The following CHRNB4 variants were observed in gnomAD, a reference collection of about 807,000 sequenced individuals.
The protein encoded by CHRNB4 is cholinergic receptor nicotinic beta 4 subunit.
In CHRNB4, 23 loss-of-function variants were observed where a neutral mutation model predicts 40.4. That is an observed-to-expected ratio of 0.57 (90% CI 0.41 to 0.81). The LOEUF (loss-of-function observed/expected upper bound fraction) is 0.81. CHRNB4 is among the 30% of genes least tolerant of loss of function. The probability of loss-of-function intolerance (pLI) is 0.00; values close to 1 mark genes in which losing one functional copy is unlikely to be tolerated. For missense variants in CHRNB4, 568 were observed against 670.6 expected (o/e 0.85, Z 1.69); for synonymous variants, 285 against 274.4 (o/e 1.04, Z -0.38).
chr15:78,650,206 C>G (rs144170453), intron 6 of CHRNB4, among the ~76,000 whole-genome samples: 1 of 152,338 alleles, frequency 6.6e-6, no homozygotes, highest in Non-Finnish European at 1.5e-5. Context: ...GTGTGCCCTT[C>G]TTACAGTTGC....
intron 1 of CHRNB4, among the ~76,000 whole-genome samples, chr15:78,637,197 A>ATCTGCCCC (rs936570041): frequency 2.0e-5 from 3 of 152,120 alleles, no homozygotes; most frequent in African/African-American, 7.2e-5. Context: ...ATAGCCTCAA[A>ATCTGCCCC]TCTGCCCCTC....
In CHRNB4 at chr15:78,625,305, G is replaced by T. The variant is rs769472982; in HGVS notation, c.1339-14C>A. On this transcript the variant is annotated splice_polypyrimidine_tract_variant and intron_variant, in intron 5 of 5. Transcript: ENST00000261751. ...GTCCTCAACGACCTGCAGGCAGACA[G>T]AGGAGTTGGTCACAGGTGCCAAGTA... is the stretch of plus-strand genomic sequence containing the variant. 5.2e-6 allele frequency: 8 copies of T among 1,527,346 alleles called. No individual in the cohort carries two copies. Among genetic ancestry groups the T allele is most frequent in the Non-Finnish European group, 7.0e-6 (8 of 1,139,530 alleles). The allele number at this position is 1,527,346 out of a possible 1,614,324, so 94.6% of individuals were successfully genotyped here.
intron 6 of CHRNB4, among the ~76,000 whole-genome samples, chr15:78,651,786 C>T (rs1200951295): frequency 6.6e-6 from 1 of 152,184 alleles, no homozygotes; most frequent in Non-Finnish European, 1.5e-5. Flanking sequence ...CCAGGATGCC[C>T]CCACCCTGGG....
intron 1 of CHRNB4, among the ~76,000 whole-genome samples, chr15:78,637,035 A>C (rs997363190): frequency 6.6e-6 from 1 of 152,180 alleles, no homozygotes; most frequent in African/African-American, 2.4e-5. Context: ...ACTTAGACCT[A>C]CAGAGTGTAA....
chr15:78,649,254 G>T, intron 7 of CHRNB4: 1 of 257,392 alleles, frequency 3.9e-6, no homozygotes, highest in Non-Finnish European at 7.8e-6. Flanking sequence ...TCCATTTCTC[G>T]GTGTGTACCC....
intron 6 of CHRNB4, among the ~76,000 whole-genome samples, chr15:78,649,768 ACT>A (rs1444740673): frequency 6.6e-6 from 1 of 152,012 alleles, no homozygotes; most frequent in Non-Finnish European, 1.5e-5. Context: ...CGAGTGATAA[ACT>A]CTAAATTCAG....
intron 5 of CHRNB4, chr15:78,626,159 GT>G (rs2053647341): frequency 6.6e-6 from 1 of 152,220 alleles, no homozygotes; most frequent in Non-Finnish European, 1.5e-5. Flanking sequence ...GACCCAGTTT[GT>G]CAAGGCCCTG....
chr15:78,643,062 A>G (rs2054094733), upstream of CHRNB4, among the ~76,000 whole-genome samples: 1 of 152,140 alleles, frequency 6.6e-6, no homozygotes, highest in African/African-American at 2.4e-5. Context: ...AAAGTAACTT[A>G]ACAATACCCA....
At chr15:78,634,428 CGACTACGGAG>C (rs1189348431) in intron 2 of CHRNB4, among the ~76,000 whole-genome samples, 2 of 152,214 alleles carry the variant, frequency 1.3e-5, no homozygotes, top group Non-Finnish European at 2.9e-5. Context: ...CCTTCTGGTC[CGACTACGGAG>C]GGAGAGGGGC....
At chr15:78,649,960 G>A (rs2054157893) in intron 6 of CHRNB4, among the ~76,000 whole-genome samples, 1 of 152,208 alleles carries the variant, frequency 6.6e-6, no homozygotes, top group Non-Finnish European at 1.5e-5. Flanking sequence ...TGTTTGTTAT[G>A]TGGGTTCCTA....
upstream of CHRNB4, chr15:78,661,483 T>C: frequency 1.9e-6 from 1 of 520,402 alleles, no homozygotes; most frequent in South Asian, 1.6e-5. Flanking sequence ...TGGTTGAATA[T>C]GGAGTTGATT....
At chr15:78,658,670 G>A (rs2054232031) in intron 1 of CHRNB4, among the ~76,000 whole-genome samples, 1 of 152,124 alleles carries the variant, frequency 6.6e-6, no homozygotes, top group African/African-American at 2.4e-5. Flanking sequence ...TAGTTCTTAA[G>A]TGCTTCCTGC....
intron 2 of CHRNB4, among the ~76,000 whole-genome samples, chr15:78,632,156 T>A (rs11856072): frequency 7.5e-6 from 1 of 133,128 alleles, no homozygotes; most frequent in African/African-American, 2.7e-5. Flanking sequence ...TTTCTGTCTT[T>A]CTTTTCTTTT....
At chr15:78,638,630 G>GGGC (rs2054005891) in intron 1 of CHRNB4, among the ~76,000 whole-genome samples, 1 of 152,072 alleles carries the variant, frequency 6.6e-6, no homozygotes, top group Admixed American at 6.5e-5. Flanking sequence ...CGGGGGGCCG[G>GGGC]GGGGGTGGTG....
upstream of CHRNB4, among the ~76,000 whole-genome samples, chr15:78,645,101 C>G (rs1025715287): frequency 1.3e-5 from 2 of 152,158 alleles, no homozygotes. Context: ...GAAGCCCACA[C>G]CCCCAGCCAC....
chr15:78,643,174 A>G (rs2054096280), upstream of CHRNB4, among the ~76,000 whole-genome samples: 1 of 152,244 alleles, frequency 6.6e-6, no homozygotes, highest in African/African-American at 2.4e-5. Context: ...ACACACACAC[A>G]AACAATGCAT....
upstream of CHRNB4, among the ~76,000 whole-genome samples, chr15:78,641,427 C>A (rs2054073544): frequency 6.6e-6 from 1 of 152,206 alleles, no homozygotes; most frequent in South Asian, 2.1e-4. Context: ...ACAGTGCGGG[C>A]ACCCTTGGTA....
At chr15:78,655,627 T>C (rs2054208174) in exon 5 of CHRNB4, 1 of 151,816 alleles carries the variant, frequency 6.6e-6, no homozygotes, top group African/African-American at 2.4e-5. Flanking sequence ...GCCACGATGG[T>C]GCTACCACAC....
At chr15:78,658,299 G>A (rs919051774) in exon 2 of CHRNB4, 4 of 152,214 alleles carry the variant, frequency 2.6e-5, no homozygotes, top group Admixed American at 2.6e-4. Context: ...CCCAAGTGCT[G>A]GGATTACAGG....
Sources: allele counts gnomAD v4.1 joint callset (sites outside exome capture counted in the v4.1 genomes callset), GRCh38; gene constraint gnomAD v4.1.1; transcripts MANE v1.5; gene names NCBI Gene and HGNC (gene_info 2026-07-23, HGNC 2026-07-21).